Variants in RFNG observed in about 807,000 individuals in gnomAD.
The protein encoded by RFNG is RFNG O-fucosylpeptide 3-beta-N-acetylglucosaminyltransferase, also known as beta-1,3-N-acetylglucosaminyltransferase radical fringe.
In RFNG, 37 loss-of-function variants were observed where a neutral mutation model predicts 29.6. That is an observed-to-expected ratio of 1.25 (90% CI 0.96 to 1.65). The LOEUF (loss-of-function observed/expected upper bound fraction) is 1.65. Among genes scored for constraint, RFNG ranks in the 40% most tolerant of loss-of-function variants. The pLI is 0.00. For synonymous variants in RFNG, 276 were observed against 197.3 expected, an observed-to-expected ratio of 1.40 and a Z score of -3.34; for missense variants, 546 against 457.0, an observed-to-expected ratio of 1.19 and a Z score of -1.78.
At position 82,050,573 on chromosome 17, in the gene RFNG, C is replaced by A; in HGVS notation, c.420-18G>T. ...AAAACCACCTGTGGGCGAGGGGAGT[C>A]CTGGGCACGAGGGCCTGGCATGGCT... On this transcript the variant is annotated intron_variant, in intron 3 of 7. Transcript: ENST00000310496. 6.2e-7 allele frequency: 1 copy of A among 1,609,302 alleles called. No homozygotes were observed. Among genetic ancestry groups the A allele is most frequent in the Non-Finnish European group, 8.5e-7 (1 of 1,177,250 alleles).
In RFNG at chr17:82,050,652, C is replaced by T. The variant is rs79722039; in HGVS notation, c.419+10G>A. 1.2e-5 allele frequency: 20 copies of T among 1,612,446 alleles called. No individual in the cohort carries two copies. The East Asian group carries it at 3.1e-4, about 25-fold the overall frequency. On this transcript the variant is annotated intron_variant, in intron 3 of 7. Transcript: ENST00000310496. ...CTGAGCTCTCTGCGGGTCGGGTCAG[C>T]GCCGCGTACTTGCGCCCGGACTCAA... is the stretch of plus-strand genomic sequence containing the variant.
chr17:82,051,317 T>C lies in RFNG; in HGVS notation c.293A>G (p.Asp98Gly). Residue 98 changes from aspartate to glycine, a missense_variant, in exon 2 of 8, where the codon GAC (aspartate) becomes GGC (glycine). Transcript: ENST00000310496. The surrounding 1 kb of genome is among the most constrained non-coding windows in gnomAD (Gnocchi z 4.1). ...ACCGCCCTGGAGCTCGAGCTCAGGG[T>C]CGTCCCCGTCGGTGAAGATAAACGT... ...QQTFIFTDGDDPELELQGGDR... is the reference protein window; with the variant it reads ...QQTFIFTDGDGPELELQGGDR... 1.4e-6 allele frequency: 2 copies of C among 1,441,460 alleles called. No homozygotes were observed. The highest frequency in any genetic ancestry group is 1.7e-5 in the South Asian group (1 of 60,496). The allele number at this position is 1,441,460 out of a possible 1,614,324, so 89.3% of individuals were successfully genotyped here.
rs1393851694 is a variant in RFNG at position 82,051,553 on chromosome 17, C to T, written c.214G>A (p.Gly72Arg). 8 of 1,392,384 alleles carry T rather than the reference C, an allele frequency of 5.7e-6. No homozygotes were observed. Among genetic ancestry groups the T allele is most frequent in the African/African-American group, 1.5e-5 (1 of 65,870 alleles). 86.3% of individuals were successfully genotyped at this position (1,392,384 alleles called of 1,614,324 possible). A position where few individuals can be genotyped will look rare whatever the true frequency, so the allele number is the denominator to read the frequency against. ...IAVKTTRKNHGPRLRLLLRTW... is the reference protein window; with the variant it reads ...IAVKTTRKNHRPRLRLLLRTW... ...CGCAGCAGCAGCCGCAGGCGCGGCC[C>T]GTGGTTCTTCCGGGTGGTCTTGACG... is the stretch of plus-strand genomic sequence containing the variant. The change falls in exon 1 of 8, where the codon GGG (glycine) becomes AGG (arginine). Residue 72 changes from glycine to arginine, a missense_variant. Transcript: ENST00000310496. This position sits in a 1 kb window ranked among gnomAD's most constrained non-coding sequence, Gnocchi z 4.1.
rs776707664 is a variant in RFNG at position 82,050,022 on chromosome 17, T to C, written c.574-16A>G. On this transcript the variant is annotated splice_polypyrimidine_tract_variant and intron_variant, in intron 4 of 7. Coordinates refer to ENST00000310496, the MANE Select transcript of RFNG (RefSeq NM_002917.2). ...CCGTGGTCACCTGAAGATGGGGTGG[T>C]GGTCAGAGCTGCCCAGGACAGGGCT... is the stretch of plus-strand genomic sequence containing the variant. The C allele has an allele frequency of 1.9e-6, 3 of 1,589,274 alleles. No homozygotes were observed. Among genetic ancestry groups the C allele is most frequent in the Non-Finnish European group, 2.6e-6 (3 of 1,165,164 alleles).
rs752558246 is a variant in RFNG at position 82,049,855 on chromosome 17, C to G, written c.663-13G>C. The stretch of plus-strand genomic sequence containing the variant: ...GAAGCTGCCCAGGCTGGGGGGAGGC[C>G]GGTCAGCACCTTTCAGGTCTCAGCC... On this transcript the variant is annotated splice_polypyrimidine_tract_variant and intron_variant, in intron 5 of 7. Transcript: ENST00000310496. The G allele has an allele frequency of 2.5e-6, 4 of 1,605,524 alleles. No individual in the cohort carries two copies. The highest frequency in any genetic ancestry group is 3.4e-6 in the Non-Finnish European group (4 of 1,176,200).
chr17:82,050,212 C>G (rs962831882), intron 4 of RFNG, 190 bp downstream of exon 4: 8 of 801,546 alleles, frequency 1.0e-5, no homozygotes, highest in Middle Eastern at 2.3e-4. Flanking sequence ...CCAGACACCC[C>G]CTCTCTGCCC....
rs760802516 is a variant in RFNG, at chr17:82,049,118, T to C, written c.829-2A>G. ...AGGACCCCCATGGCTCAAGGTAACC[T>C]GGGAGGGAAGGGTGTGGGCAGAGTG... On this transcript the variant is annotated splice_acceptor_variant, in intron 6 of 7. Coordinates refer to ENST00000310496, the MANE Select transcript of RFNG (RefSeq NM_002917.2). LOFTEE classifies it high-confidence loss of function. The C allele has an allele frequency of 1.1e-5, 18 of 1,612,538 alleles. No individual in the cohort carries two copies. Among genetic ancestry groups the C allele is most frequent in the Admixed American group, 3.3e-5 (2 of 59,958 alleles).
Position 82,049,104 on chromosome 17 carries a change from G to A in RFNG, c.841C>T (p.His281Tyr), listed in dbSNP as rs1243956307. Residue 281 changes from histidine (H) to tyrosine (Y), a missense_variant, in exon 7 of 8, where the codon CAT becomes TAT. His to Tyr is a moderately conservative substitution (Grantham distance 83). Coordinates refer to ENST00000310496, the MANE Select transcript of RFNG (RefSeq NM_002917.2). ...TTATGTGGGTTCTCAGGACCCCCAT[G>A]GCTCAAGGTAACCTGGGAGGGAAGG... ...DTLLQQVTLS[H>Y]GGPENPHNVV... The A allele has an allele frequency of 1.9e-6, 3 of 1,613,270 alleles. No individual in the cohort carries two copies. Among genetic ancestry groups the A allele is most frequent in the Non-Finnish European group, 2.5e-6 (3 of 1,179,800 alleles).
rs74659471 is a variant in RFNG, at chr17:82,049,082, T to C, written c.863A>G (p.His288Arg). Residue 288 changes from histidine (H) to arginine (R), a missense_variant, in exon 7 of 8, where the codon CAT becomes CGT. Coordinates refer to ENST00000310496, the MANE Select transcript of RFNG (RefSeq NM_002917.2). ...GCCTCCAGCCACGTTCACCACGTTATGTGGGTTCTCAGGACCCCCATGGCT... is the reference window on the plus strand; with the variant it reads ...GCCTCCAGCCACGTTCACCACGTTACGTGGGTTCTCAGGACCCCCATGGCT... ...TLSHGGPENP[H>R]NVVNVAGGFS... 4.5e-3 allele frequency: 7,309 copies of C among 1,613,414 alleles called. 303 individuals carry two copies. In the African/African-American group the frequency reaches 0.088, roughly 19 times the overall value.
chr17:82,051,264 C>A lies in RFNG; in HGVS notation c.316+30G>T. ...CGAGAAAGGCTCGGGGGGCAGATCCCGCGGGCGCCGGGGAGTGGGGGACAC... is the reference window on the plus strand; with the variant it reads ...CGAGAAAGGCTCGGGGGGCAGATCCAGCGGGCGCCGGGGAGTGGGGGACAC... On this transcript the variant is annotated intron_variant, in intron 2 of 7. Transcript: ENST00000310496. The surrounding 1 kb of genome is among the most constrained non-coding windows in gnomAD (Gnocchi z 4.1). 7.4e-7 allele frequency: 1 copy of A among 1,345,226 alleles called. No homozygotes were observed. The highest frequency in any genetic ancestry group is 9.6e-7 in the Non-Finnish European group (1 of 1,045,032). The allele number at this position is 1,345,226 out of a possible 1,614,324, so 83.3% of individuals were successfully genotyped here.
rs771950209 is a variant in RFNG, at chr17:82,051,078, G to C, written c.316+216C>G. 2.9e-6 allele frequency: 4 copies of C among 1,370,326 alleles called. No individual in the cohort carries two copies. In the South Asian group the frequency reaches 5.6e-5, roughly 19 times the overall value. 84.9% of individuals were successfully genotyped at this position (1,370,326 alleles called of 1,614,324 possible). A position where few individuals can be genotyped will look rare whatever the true frequency, so the allele number is the denominator to read the frequency against. The stretch of plus-strand genomic sequence containing the variant: ...GGACGTGGCACTAGCCCCACGCCCC[G>C]GGAAGCGGCTAGTGTGAGAGGCTGG... On this transcript the variant is annotated intron_variant, in intron 2 of 7. Transcript: ENST00000310496. This position sits in a 1 kb window ranked among gnomAD's most constrained non-coding sequence, Gnocchi z 4.1.
In RFNG at chr17:82,050,016, GGGT is replaced by G. The variant is rs2030208137; in HGVS notation, c.574-13_574-11del. ...ACTTGACCGTGGTCACCTGAAGATG[GGGT>G]GGTGGTCAGAGCTGCCCAGGACAGG... On this transcript the variant is annotated splice_polypyrimidine_tract_variant and intron_variant, in intron 4 of 7. Transcript: ENST00000310496. 2 of 1,602,088 alleles carry G rather than the reference GGGT, an allele frequency of 1.2e-6. No homozygotes were observed.
In RFNG at chr17:82,051,613, C is replaced by CAA. The variant is rs2030618820; in HGVS notation, c.153_154insTT (p.Ala52LeufsTer101). ...ACGTCGTCAGGCCGCAGGCTGGGGG[C>CAA]AGCGGGCCGGGACGGGGGCGCGCGC... On this transcript the variant is annotated frameshift_variant, in exon 1 of 8. Transcript: ENST00000310496. LOFTEE classifies it high-confidence loss of function. This position sits in a 1 kb window ranked among gnomAD's most constrained non-coding sequence, Gnocchi z 4.1. 1 of 1,237,426 alleles carries CAA rather than the reference C, an allele frequency of 8.1e-7. No homozygotes were observed. Among genetic ancestry groups the CAA allele is most frequent in the Admixed American group, 4.3e-5 (1 of 23,416 alleles). The allele number at this position is 1,237,426 out of a possible 1,614,324, so 76.7% of individuals were successfully genotyped here.
At position 82,051,279 on chromosome 17, in the gene RFNG, G is replaced by A. The variant is rs554307013; in HGVS notation, c.316+15C>T. The A allele has an allele frequency of 2.4e-5, 33 of 1,370,020 alleles. No homozygotes were observed. Among genetic ancestry groups the A allele is most frequent in the Admixed American group, 3.4e-5 (1 of 29,788 alleles). 84.9% of individuals were successfully genotyped at this position (1,370,020 alleles called of 1,614,324 possible). A position where few individuals can be genotyped will look rare whatever the true frequency, so the allele number is the denominator to read the frequency against. ...GGGCAGATCCCGCGGGCGCCGGGGA[G>A]TGGGGGACACTCACCGCCCTGGAGC... On this transcript the variant is annotated intron_variant, in intron 2 of 7. Coordinates refer to ENST00000310496, the MANE Select transcript of RFNG (RefSeq NM_002917.2). The surrounding 1 kb of genome is among the most constrained non-coding windows in gnomAD (Gnocchi z 4.1).
chr17:82,050,658 G>A lies in RFNG; in HGVS notation c.419+4C>T, dbSNP rs373896061. The A allele has an allele frequency of 2.7e-5, 43 of 1,612,890 alleles. No individual in the cohort carries two copies. The highest frequency in any genetic ancestry group is 1.6e-4 in the Middle Eastern group (1 of 6,062). On this transcript the variant is annotated splice_donor_region_variant and intron_variant, in intron 3 of 7. Transcript: ENST00000310496. ...TCTCTGCGGGTCGGGTCAGCGCCGCGTACTTGCGCCCGGACTCAATGAACT... is the reference window on the plus strand; with the variant it reads ...TCTCTGCGGGTCGGGTCAGCGCCGCATACTTGCGCCCGGACTCAATGAACT...
rs1175260000 is a variant in RFNG, at chr17:82,048,670, T to C, written c.*56A>G. 2 of 1,451,688 alleles carry C rather than the reference T, an allele frequency of 1.4e-6. No homozygotes were observed. Among genetic ancestry groups the C allele is most frequent in the African/African-American group, 2.8e-5 (2 of 71,584 alleles). The allele number at this position is 1,451,688 out of a possible 1,614,324, so 89.9% of individuals were successfully genotyped here. ...GGAGCCCACTGAGCCCATAGGGGGC[T>C]CTGGTTCCCCGCGCCTGGGACAGAG... On this transcript the variant is annotated 3_prime_UTR_variant, in exon 8 of 8. Coordinates refer to ENST00000310496, the MANE Select transcript of RFNG (RefSeq NM_002917.2).
In RFNG at chr17:82,049,764, G is replaced by A. The variant is rs201863639; in HGVS notation, c.741C>T (p.Leu247=). ...DCTVGYIVEG[L]LGARLLHSPL... The stretch of plus-strand genomic sequence containing the variant: ...GGCTGTGCAGCAGGCGGGCGCCCAG[G>A]AGCCCCTCCACGATGTAGCCAACTG... The change falls in exon 6 of 8, where the codon CTC becomes CTT. Residue 247 remains leucine (L), a synonymous_variant. Transcript: ENST00000310496. The A allele has an allele frequency of 1.2e-5, 19 of 1,524,232 alleles. No homozygotes were observed. The highest frequency in any genetic ancestry group is 4.5e-5 in the East Asian group (2 of 44,196). 94.4% of individuals were successfully genotyped at this position (1,524,232 alleles called of 1,614,324 possible). A position where few individuals can be genotyped will look rare whatever the true frequency, so the allele number is the denominator to read the frequency against.
At chr17:82,050,133 T>C in intron 4 of RFNG, 127 bp from the exon 5 acceptor site, 2 of 939,118 alleles carry the variant, frequency 2.1e-6, no homozygotes, top group Non-Finnish European at 3.3e-6. Flanking sequence ...CAGAAGCTTC[T>C]TGGAGCAAAA....
At chr17:82,050,164 G>A in intron 4 of RFNG, 158 bp from the exon 5 acceptor site, 1 of 798,266 alleles carries the variant, frequency 1.3e-6, no homozygotes, top group Non-Finnish European at 2.0e-6. Flanking sequence ...GCTTCTGCAG[G>A]CCATTGACCC....
Sources: allele counts gnomAD v4.1 joint callset, GRCh38; gene constraint gnomAD v4.1.1; non-coding constraint Gnocchi (gnomAD v3.1); transcripts MANE v1.5; gene names NCBI Gene and HGNC (gene_info 2026-07-23, HGNC 2026-07-21).